CRACDL: variants seen among roughly 807,000 people sequenced by gnomAD.
CRACDL encodes the protein CRACD-like protein.
A neutral mutation model predicts 70.6 loss-of-function variants in CRACDL; 26 were observed. The observed-to-expected ratio is 0.37, with a 90% CI of 0.27 to 0.51. CRACDL has a LOEUF of 0.51. CRACDL is among the 20% of genes least tolerant of loss of function. The pLI is 0.94. For missense variants in CRACDL, 1,283 were observed against 1,376.9 expected (o/e 0.93, Z 1.08); for synonymous variants, 618 against 615.2 (o/e 1.00, Z -0.07).
At chr2:98,814,529 T>C (rs796158862) in intron 7 of CRACDL, among the ~76,000 whole-genome samples, 7 of 152,306 alleles carry the variant, frequency 4.6e-5, no homozygotes, top group African/African-American at 1.7e-4. Flanking sequence ...AGAACAAGCT[T>C]TGAATAATTT....
rs561654589 is a variant in CRACDL at position 98,913,964 on chromosome 2, T to C, written c.-11+21974A>G. On this transcript the variant is annotated intron_variant, in intron 1 of 9. Transcript: ENST00000397899. ...ACGCTTTATGCGCAGCCCTAGGACCTGGGGAGGTCCTGAATGCATGGAAGC... is the reference window on the plus strand; with the variant it reads ...ACGCTTTATGCGCAGCCCTAGGACCCGGGGAGGTCCTGAATGCATGGAAGC... 2.0e-5 allele frequency among the ~76,000 whole-genome samples: 3 copies of C among 152,354 alleles called. No individual in the cohort carries two copies. The South Asian group carries it at 6.2e-4, about 32-fold the overall frequency.
intron 1 of CRACDL, among the ~76,000 whole-genome samples, chr2:98,869,771 C>T (rs1707279546): frequency 6.6e-6 from 1 of 152,198 alleles, no homozygotes; most frequent in African/African-American, 2.4e-5. Context: ...CACACTTGCT[C>T]CCCAGTTTCA....
chr2:98,902,287 C>A (rs377013886), intron 1 of CRACDL, among the ~76,000 whole-genome samples: 1 of 152,128 alleles, frequency 6.6e-6, no homozygotes, highest in Non-Finnish European at 1.5e-5. Flanking sequence ...AAGGGGTCTC[C>A]GGCAGCCTTC....
At chr2:98,804,388 A>G (rs1704203739) in intron 7 of CRACDL, among the ~76,000 whole-genome samples, 1 of 152,234 alleles carries the variant, frequency 6.6e-6, no homozygotes, top group African/African-American at 2.4e-5. Flanking sequence ...TACATTTGTA[A>G]TCCCAAAATC....
intron 1 of CRACDL, among the ~76,000 whole-genome samples, chr2:98,918,539 CAAAAAAAAAA>C (rs58312556): frequency 7.5e-5 from 5 of 66,346 alleles, no homozygotes; most frequent in East Asian, 6.3e-4. Flanking sequence ...TGTTGTCTAC[CAAAAAAAAAA>C]AAAAAAAAAA....
chr2:98,929,995 C>G (rs1709029799), intron 1 of CRACDL, among the ~76,000 whole-genome samples: 1 of 152,076 alleles, frequency 6.6e-6, no homozygotes, highest in South Asian at 2.1e-4. Context: ...GACCAGTTAC[C>G]CAGAGGAACC....
intron 7 of CRACDL, among the ~76,000 whole-genome samples, chr2:98,807,733 T>G (rs536837242): frequency 5.3e-5 from 8 of 152,378 alleles, no homozygotes; most frequent in Non-Finnish European, 8.8e-5. Flanking sequence ...ACTTAGTAAG[T>G]GCTCACTATA....
intron 6 of CRACDL, among the ~76,000 whole-genome samples, chr2:98,825,665 C>T (rs1314536523): frequency 2.0e-5 from 3 of 152,288 alleles, no homozygotes; most frequent in Admixed American, 6.5e-5. Context: ...CTTGAGTGAC[C>T]GGACCTTGTC....
In CRACDL at chr2:98,823,345, C is replaced by A; in HGVS notation, c.928G>T (p.Ala310Ser). 6.7e-7 allele frequency: 1 copy of A among 1,503,168 alleles called. No homozygotes were observed. The highest frequency in any genetic ancestry group is 8.8e-7 in the Non-Finnish European group (1 of 1,134,818). 93.1% of individuals were successfully genotyped at this position (1,503,168 alleles called of 1,614,324 possible). ...AGCGCGGAGGAGTGCTGCAGGCGGG[C>A]GCGTCTGGCACGGGCCCCTCCGGGT... The part of the protein sequence containing the change: ...PPPGGARARR[A>S]RLQHSSALTA... Residue 310 changes from alanine to serine, a missense_variant, in exon 7 of 10, where the codon GCC (alanine) becomes TCC (serine). Transcript: ENST00000397899. The surrounding 1 kb of genome is among the most constrained non-coding windows in gnomAD (Gnocchi z 4.0).
Position 98,834,171 on chromosome 2 carries a change from G to A in CRACDL, c.240-1174C>T, listed in dbSNP as rs1166461409. Among the ~76,000 whole-genome samples the A allele has an allele frequency of 2.0e-5, 3 of 152,182 alleles. No individual in the cohort carries two copies. In the East Asian group the frequency reaches 5.8e-4, roughly 29 times the overall value. On this transcript the variant is annotated intron_variant, in intron 3 of 9. Transcript: ENST00000397899. ...ACAGCCCATGGCCCACACTCTCTGG[G>A]AACCACAACCACCACCCAAGCACCT...
chr2:98,869,918 G>T (rs1011270097), intron 1 of CRACDL, among the ~76,000 whole-genome samples: 4 of 152,120 alleles, frequency 2.6e-5, no homozygotes, highest in African/African-American at 9.7e-5. Context: ...TGCACTGATG[G>T]GATTTCCAGC....
chr2:98,899,166 C>T (rs1422044452), intron 1 of CRACDL, among the ~76,000 whole-genome samples: 1 of 152,174 alleles, frequency 6.6e-6, no homozygotes, highest in Non-Finnish European at 1.5e-5. Flanking sequence ...CACCTGCCAC[C>T]ATGCAAACCA....
chr2:98,911,433 A>G (rs1416615261), intron 1 of CRACDL, among the ~76,000 whole-genome samples: 2 of 152,240 alleles, frequency 1.3e-5, no homozygotes, highest in Non-Finnish European at 2.9e-5. Flanking sequence ...CAGGCTCCGC[A>G]GGGACAAGGC....
At chr2:98,890,481 G>A (rs551564467) in intron 1 of CRACDL, among the ~76,000 whole-genome samples, 54 of 152,246 alleles carry the variant, frequency 3.5e-4, no homozygotes, top group South Asian at 1.0e-3. Flanking sequence ...CAAAACAACC[G>A]AAGAGATTGA....
chr2:98,809,317 C>G (rs1420905002), intron 7 of CRACDL, among the ~76,000 whole-genome samples: 2 of 151,954 alleles, frequency 1.3e-5, no homozygotes, highest in Non-Finnish European at 2.9e-5. Flanking sequence ...TCCCAGCCAC[C>G]ACTGGGACTC....
At chr2:98,847,546 G>C (rs991058244) in intron 1 of CRACDL, among the ~76,000 whole-genome samples, 1 of 152,108 alleles carries the variant, frequency 6.6e-6, no homozygotes, top group African/African-American at 2.4e-5. Flanking sequence ...TCCCAGACAT[G>C]ATGATCATTT....
chr2:98,889,213 G>GGGAA (rs1390297404), intron 1 of CRACDL, among the ~76,000 whole-genome samples: 1 of 146,814 alleles, frequency 6.8e-6, no homozygotes, highest in Non-Finnish European at 1.5e-5. Context: ...AGGAAGGAAG[G>GGGAA]GGAAGGAAGG....
intron 1 of CRACDL, among the ~76,000 whole-genome samples, chr2:98,890,486 G>T (rs1707933292): frequency 6.6e-6 from 1 of 152,180 alleles, no homozygotes; most frequent in African/African-American, 2.4e-5. Context: ...CAACCGAAGA[G>T]ATTGAATTAA....
chr2:98,797,567 A>G (rs1456725164), intron 7 of CRACDL, 30 bp from the exon 8 acceptor site: 1 of 1,606,832 alleles, frequency 6.2e-7, no homozygotes, highest in Admixed American at 1.7e-5. Context: ...GATTATAGAA[A>G]CAGTCCTATT....
Sources: allele counts gnomAD v4.1 joint callset (sites outside exome capture counted in the v4.1 genomes callset), GRCh38; gene constraint gnomAD v4.1.1; non-coding constraint Gnocchi (gnomAD v3.1); transcripts MANE v1.5; gene names NCBI Gene and HGNC (gene_info 2026-07-23, HGNC 2026-07-21).